Variants in DYRK4 observed in about 807,000 individuals in gnomAD.
The protein encoded by DYRK4 is dual specificity tyrosine phosphorylation regulated kinase 4.
Under a neutral mutation model 68.3 loss-of-function variants are expected in DYRK4, and 64 were observed. That is an observed-to-expected ratio of 0.94 (90% CI 0.77 to 1.15). The LOEUF is 1.15. DYRK4 is among the 50% of genes most tolerant of loss of function. The pLI is 0.00. For missense variants in DYRK4, 740 were observed against 764.7 expected, an observed-to-expected ratio of 0.97 and a Z score of 0.38; for synonymous variants, 274 against 289.9, an observed-to-expected ratio of 0.95 and a Z score of 0.56.
chr12:4,594,977 A>G (rs1193365019), intron 6 of DYRK4, among the ~76,000 whole-genome samples: 1 of 152,202 alleles, frequency 6.6e-6, no homozygotes, highest in South Asian at 2.1e-4. Context: ...ATGAATACAA[A>G]ATGGTTTTTG....
In DYRK4 at chr12:4,613,740, C is replaced by T. The variant is rs1034092114; in HGVS notation, c.1892C>T (p.Pro631Leu). Residue 631 changes from proline (P) to leucine (L), a missense_variant, in exon 15 of 15, where the codon CCC becomes CTC. Pro to Leu is a moderately conservative substitution (Grantham distance 98, BLOSUM62 -3). Around this residue, in one of 3 missense-constraint regions of DYRK4, gnomAD observed 614 missense variants for 603.7 expected, o/e 1.02. Coordinates refer to ENST00000543431, the MANE Select transcript of DYRK4 (RefSeq NM_001394779.1). This position sits in a 1 kb window ranked among gnomAD's most constrained non-coding sequence, Gnocchi z 4.0. ...NFSLKNTNVL[P>L]PIV ...TCCCTCAAGAACACAAACGTTTTAC[C>T]CCCTATTGTATGACCTTTGCTGAGG... 1.3e-6 allele frequency: 2 copies of T among 1,566,096 alleles called. No individual in the cohort carries two copies. The highest frequency in any genetic ancestry group is 2.7e-5 in the African/African-American group (2 of 73,828).
chr12:4,576,693 G>A (rs574883468), intron 2 of DYRK4, among the ~76,000 whole-genome samples: 8 of 152,204 alleles, frequency 5.3e-5, no homozygotes, highest in South Asian at 4.2e-4. Context: ...GTCAAAATGC[G>A]GTTTTGGACG....
In DYRK4 at chr12:4,591,473, C is replaced by A. The variant is rs192031139; in HGVS notation, c.463+175C>A. On this transcript the variant is annotated intron_variant, in intron 5 of 14. Transcript: ENST00000543431. This position sits in a 1 kb window ranked among gnomAD's most constrained non-coding sequence, Gnocchi z 4.1. ...GAACCTCTGACTGTGGTAGTATAAGCAAGAGGCTGAATAGGAGGCTGAATT... is the reference window on the plus strand; with the variant it reads ...GAACCTCTGACTGTGGTAGTATAAGAAAGAGGCTGAATAGGAGGCTGAATT... 5.6e-4 allele frequency: 507 copies of A among 901,158 alleles called. 6 individuals are homozygous for A. In the East Asian group the frequency reaches 0.012, roughly 21 times the overall value. 55.8% of individuals were successfully genotyped at this position (901,158 alleles called of 1,614,324 possible).
At position 4,591,127 on chromosome 12, in the gene DYRK4, A is replaced by T. The variant is rs181859342; in HGVS notation, c.325-33A>T. 3.7e-6 allele frequency: 6 copies of T among 1,611,170 alleles called. No individual in the cohort carries two copies. Among genetic ancestry groups the T allele is most frequent in the Non-Finnish European group, 5.1e-6 (6 of 1,178,688 alleles). On this transcript the variant is annotated intron_variant, in intron 4 of 14. Transcript: ENST00000543431. This position sits in a 1 kb window ranked among gnomAD's most constrained non-coding sequence, Gnocchi z 4.1. ...TATGGCCCCCAGGAGAGTCCTAAGT[A>T]GTTATTTATTGCAAACCTCTTTTCC...
intron 10 of DYRK4, among the ~76,000 whole-genome samples, chr12:4,604,409 C>T (rs1031051791): frequency 1.3e-5 from 2 of 152,190 alleles, no homozygotes; most frequent in African/African-American, 2.4e-5. Context: ...TGTTCCATTT[C>T]TTCGACTTCA....
intron 8 of DYRK4, 25 bp downstream of exon 8, chr12:4,596,754 C>A: frequency 6.2e-7 from 1 of 1,611,242 alleles, no homozygotes; most frequent in South Asian, 1.1e-5. Flanking sequence ...CTTCTTAACT[C>A]ATTTTCTCTG....
At chr12:4,578,917 T>A (rs746519347) in intron 2 of DYRK4, among the ~76,000 whole-genome samples, 6 of 152,190 alleles carry the variant, frequency 3.9e-5, no homozygotes, top group Admixed American at 2.6e-4. Flanking sequence ...AGCCAAGCAT[T>A]GTTTTTGGTG....
rs866797875 is a variant in DYRK4 at position 4,610,258 on chromosome 12, C to T, written c.1464C>T (p.Phe488=). The T allele has an allele frequency of 6.3e-7, 1 of 1,581,004 alleles. No homozygotes were observed. Among genetic ancestry groups the T allele is most frequent in the Non-Finnish European group, 8.6e-7 (1 of 1,167,382 alleles). ...TMVLKTYDTS[F]LDFLRRCLVW... ...TGCTGAAAACCTATGACACCAGCTTCCTGGACTTTCTCAGAAGGTGTTTGG... is the reference window on the plus strand; with the variant it reads ...TGCTGAAAACCTATGACACCAGCTTTCTGGACTTTCTCAGAAGGTGTTTGG... The change falls in exon 13 of 15, where the codon TTC becomes TTT. Residue 488 remains phenylalanine (F), a synonymous_variant. Transcript: ENST00000543431.
chr12:4,574,249 G>C (rs56842967), intron 2 of DYRK4, among the ~76,000 whole-genome samples: 1 of 143,186 alleles, frequency 7.0e-6, no homozygotes. Context: ...AAAAAAAAAG[G>C]AAAGAAAGCA....
chr12:4,568,574 TG>T (rs1944699769), intron 2 of DYRK4, among the ~76,000 whole-genome samples: 1 of 151,892 alleles, frequency 6.6e-6, no homozygotes, highest in Non-Finnish European at 1.5e-5. Flanking sequence ...TTAGAGGAGA[TG>T]GGGTTTCTTC....
chr12:4,596,349 G>GCC, intron 7 of DYRK4, 64 bp downstream of exon 7: 1 of 1,603,268 alleles, frequency 6.2e-7, no homozygotes, highest in Non-Finnish European at 8.5e-7. Context: ...CCTGCAGAAT[G>GCC]CCAGCCCTTC....
rs184727610 is a variant in DYRK4 at position 4,593,281 on chromosome 12, T to C, written c.627+116T>C. On this transcript the variant is annotated intron_variant, in intron 6 of 14. Coordinates refer to ENST00000543431, the MANE Select transcript of DYRK4 (RefSeq NM_001394779.1). ...TGGGGCTGATACGTTGGAGACTAGA[T>C]ATCCTGAAGTATTCTGGTAGTGCCA... 4.2e-3 allele frequency: 4,909 copies of C among 1,169,376 alleles called. 20 individuals are homozygous for C. Among genetic ancestry groups the C allele is most frequent in the Non-Finnish European group, 5.2e-3 (4,446 of 850,062 alleles). 72.4% of individuals were successfully genotyped at this position (1,169,376 alleles called of 1,614,324 possible).
intron 2 of DYRK4, among the ~76,000 whole-genome samples, chr12:4,578,086 C>T (rs1944806717): frequency 3.9e-5 from 6 of 152,102 alleles, no homozygotes; most frequent in Admixed American, 2.6e-4. Flanking sequence ...TTATGGTATG[C>T]ACTTTTTGTC....
chr12:4,605,138 C>T, intron 11 of DYRK4, 52 bp downstream of exon 11: 1 of 1,552,966 alleles, frequency 6.4e-7, no homozygotes, highest in Non-Finnish European at 8.8e-7. Context: ...GCTTGGCCCT[C>T]AGACACGGGG....
intron 2 of DYRK4, among the ~76,000 whole-genome samples, chr12:4,586,904 C>T (rs1045714565): frequency 2.6e-5 from 4 of 152,186 alleles, no homozygotes; most frequent in African/African-American, 9.7e-5. Context: ...TCCCTTAATC[C>T]TCACAGTGTT....
chr12:4,587,431 A>G (rs1944909058), intron 2 of DYRK4, among the ~76,000 whole-genome samples: 1 of 152,070 alleles, frequency 6.6e-6, no homozygotes, highest in South Asian at 2.1e-4. Flanking sequence ...TTTGTTTCGT[A>G]TTTAGTTTGG....
At chr12:4,568,782 T>C (rs1944702255) in intron 2 of DYRK4, among the ~76,000 whole-genome samples, 1 of 152,208 alleles carries the variant, frequency 6.6e-6, no homozygotes, top group Admixed American at 6.5e-5. Flanking sequence ...AAAATTGTGA[T>C]GGGATGACTT....
chr12:4,583,030 C>T (rs1205847976), intron 2 of DYRK4, among the ~76,000 whole-genome samples: 1 of 152,138 alleles, frequency 6.6e-6, no homozygotes, highest in East Asian at 1.9e-4. Flanking sequence ...GCAATAGGTG[C>T]CTGAACTAGG....
At chr12:4,589,087 G>T in intron 3 of DYRK4, 70 bp downstream of exon 3, 2 of 1,439,412 alleles carry the variant, frequency 1.4e-6, no homozygotes, top group South Asian at 2.5e-5. Context: ...GGGTAGCTTT[G>T]AACAGACAGT....
Sources: allele counts gnomAD v4.1 joint callset (sites outside exome capture counted in the v4.1 genomes callset), GRCh38; gene constraint gnomAD v4.1.1; regional missense constraint gnomAD v4.1.1; non-coding constraint Gnocchi (gnomAD v3.1); transcripts MANE v1.5; gene names NCBI Gene and HGNC (gene_info 2026-07-23, HGNC 2026-07-21).